Variants in PHACTR3 observed in about 807,000 individuals in gnomAD.
PHACTR3 encodes protein phosphatase 1, regulatory subunit 123.
In PHACTR3, 16 loss-of-function variants were observed where a neutral mutation model predicts 66.8. The observed-to-expected ratio is 0.24, with a 90% CI of 0.16 to 0.36. PHACTR3 has a LOEUF of 0.36. Among genes scored for constraint, PHACTR3 ranks in the 10% least tolerant of loss-of-function variants. The pLI, the probability that PHACTR3 is intolerant of heterozygous loss-of-function variation, is 1.00. For missense variants in PHACTR3, 647 were observed against 719.9 expected (o/e 0.90, Z 1.16); for synonymous variants, 323 against 292.1 (o/e 1.11, Z -1.08).
In PHACTR3 at chr20:59,630,935, G is replaced by A. The variant is rs2034638089; in HGVS notation, c.118+25803G>A. ...TGATGGGTAGACAGGGGTGGTTGGA[G>A]GGATTTGGTAAAACGTTCATGAAGA... On this transcript the variant is annotated intron_variant, in intron 1 of 12. Coordinates refer to ENST00000371015, the MANE Select transcript of PHACTR3 (RefSeq NM_080672.5). 2.6e-5 allele frequency among the ~76,000 whole-genome samples: 4 copies of A among 152,196 alleles called. No individual in the cohort carries two copies. In the South Asian group the frequency reaches 6.2e-4, roughly 24 times the overall value.
At chr20:59,664,407 G>T (rs929687915) in intron 1 of PHACTR3, among the ~76,000 whole-genome samples, 1 of 152,174 alleles carries the variant, frequency 6.6e-6, no homozygotes, top group African/African-American at 2.4e-5. Flanking sequence ...GCCTGCCACC[G>T]CCTCCTTGTG....
chr20:59,661,505 G>C (rs2035803994), intron 1 of PHACTR3, among the ~76,000 whole-genome samples: 2 of 152,162 alleles, frequency 1.3e-5, no homozygotes, highest in African/African-American at 4.8e-5. Context: ...GTGAGAACCA[G>C]ACAGAGTGGC....
At chr20:59,589,441 C>T (rs1426964224) in intron 1 of PHACTR3, among the ~76,000 whole-genome samples, 1 of 152,188 alleles carries the variant, frequency 6.6e-6, no homozygotes, top group African/African-American at 2.4e-5. Flanking sequence ...TTCTTGGGAT[C>T]ATCATTGCTA....
At chr20:59,688,564 A>T (rs1480899401) in intron 1 of PHACTR3, among the ~76,000 whole-genome samples, 1 of 152,158 alleles carries the variant, frequency 6.6e-6, no homozygotes, top group Non-Finnish European at 1.5e-5. Context: ...ATCCAATTTC[A>T]GCTCCAACCT....
At chr20:59,606,144 A>G (rs374655307) in intron 1 of PHACTR3, among the ~76,000 whole-genome samples, 46 of 152,254 alleles carry the variant, frequency 3.0e-4, no homozygotes, top group African/African-American at 1.1e-3. Flanking sequence ...ACGACCCCAG[A>G]TGGGGACTTG....
intron 1 of PHACTR3, among the ~76,000 whole-genome samples, chr20:59,644,828 C>T (rs1181727593): frequency 6.6e-6 from 1 of 152,086 alleles, no homozygotes; most frequent in Non-Finnish European, 1.5e-5. Flanking sequence ...CATTTGTTGG[C>T]CAGTGTTTTT....
At chr20:59,670,955 C>G (rs2036175481) in intron 1 of PHACTR3, among the ~76,000 whole-genome samples, 1 of 152,150 alleles carries the variant, frequency 6.6e-6, no homozygotes, top group Non-Finnish European at 1.5e-5. Context: ...GCTCCCAGAC[C>G]AAGGGCTAGA....
At chr20:59,671,687 G>A (rs1004058018) in intron 1 of PHACTR3, among the ~76,000 whole-genome samples, 19 of 152,248 alleles carry the variant, frequency 1.2e-4, no homozygotes, top group Non-Finnish European at 2.5e-4. Context: ...TTGTCCAGCT[G>A]TGATATTGGC....
intron 4 of PHACTR3, among the ~76,000 whole-genome samples, chr20:59,765,720 C>G (rs1431743014): frequency 6.6e-6 from 1 of 152,110 alleles, no homozygotes; most frequent in Non-Finnish European, 1.5e-5. Flanking sequence ...GTTGTAACAC[C>G]CCCTCCCTGA....
chr20:59,746,925 C>T (rs1407017806), intron 2 of PHACTR3, among the ~76,000 whole-genome samples: 1 of 152,204 alleles, frequency 6.6e-6, no homozygotes, highest in Non-Finnish European at 1.5e-5. Flanking sequence ...GCAGTGGAAA[C>T]AGCCCTTGCA....
At chr20:59,691,139 A>T (rs2037093302) in intron 1 of PHACTR3, among the ~76,000 whole-genome samples, 1 of 152,234 alleles carries the variant, frequency 6.6e-6, no homozygotes, top group African/African-American at 2.4e-5. Context: ...AGGCTGGGTA[A>T]GTGCAGGATC....
Position 59,669,025 on chromosome 20 carries a change from G to C in PHACTR3, c.118+63893G>C, listed in dbSNP as rs180864559. Among the ~76,000 whole-genome samples, 33 of 152,182 alleles carry C rather than the reference G, an allele frequency of 2.2e-4. 1 individual carries two copies. The highest frequency in any genetic ancestry group is 2.0e-3 in the Admixed American group (30 of 15,280). ...GGCCTCCCAAAGTGTTGGGATTACAGGTGTGAACCACTGCGCCCGGCCCAA... is the reference window on the plus strand; with the variant it reads ...GGCCTCCCAAAGTGTTGGGATTACACGTGTGAACCACTGCGCCCGGCCCAA... On this transcript the variant is annotated intron_variant, in intron 1 of 12. Transcript: ENST00000371015.
At chr20:59,846,125 T>C (rs1454213602) in intron 12 of PHACTR3, among the ~76,000 whole-genome samples, 3 of 152,208 alleles carry the variant, frequency 2.0e-5, no homozygotes, top group African/African-American at 7.2e-5. Flanking sequence ...TATCTGAAGA[T>C]GCTCAAGGCC....
At chr20:59,840,953 C>A (rs1240038980) in intron 10 of PHACTR3, among the ~76,000 whole-genome samples, 2 of 152,324 alleles carry the variant, frequency 1.3e-5, no homozygotes, top group Non-Finnish European at 2.9e-5. Context: ...TTGACCATTT[C>A]TAAATTCAAG....
intron 1 of PHACTR3, among the ~76,000 whole-genome samples, chr20:59,681,988 C>T (rs1406895755): frequency 6.8e-6 from 1 of 146,954 alleles, no homozygotes; most frequent in Non-Finnish European, 1.5e-5. Context: ...CCAGACTGGG[C>T]AACAAGAGCG....
At chr20:59,670,545 A>G (rs1601054943) in intron 1 of PHACTR3, among the ~76,000 whole-genome samples, 1 of 128,738 alleles carries the variant, frequency 7.8e-6, no homozygotes, top group Admixed American at 1.1e-4. Flanking sequence ...GGAAGCCTCC[A>G]TGTTCTCTCT....
At chr20:59,764,736 C>T (rs1375340710) in intron 4 of PHACTR3, among the ~76,000 whole-genome samples, 2 of 152,238 alleles carry the variant, frequency 1.3e-5, no homozygotes, top group South Asian at 4.2e-4. Context: ...CACAAAGAAG[C>T]GTTCAGGAAC....
At chr20:59,835,196 T>G (rs1357050460) in intron 8 of PHACTR3, among the ~76,000 whole-genome samples, 1 of 152,172 alleles carries the variant, frequency 6.6e-6, no homozygotes, top group East Asian at 1.9e-4. Context: ...GTGTTTTGAC[T>G]AGACTGCAAA....
At chr20:59,629,907 G>A (rs575078080) in intron 1 of PHACTR3, among the ~76,000 whole-genome samples, 44 of 152,316 alleles carry the variant, frequency 2.9e-4, no homozygotes, top group African/African-American at 9.6e-4. Flanking sequence ...AATGACACCC[G>A]TGGGTGTGGC....
Sources: gnomAD v4.1 joint callset for allele counts (sites outside exome capture counted in the v4.1 genomes callset) on GRCh38, gnomAD v4.1.1 for gene constraint, MANE v1.5 for transcripts, NCBI Gene and HGNC (gene_info 2026-07-23, HGNC 2026-07-21) for gene names.